CDK19: variants seen among roughly 807,000 people sequenced by gnomAD.
CDK19 encodes the protein cyclin dependent kinase 19.
CDK19 carries 20 observed loss-of-function variants against 68.3 expected under a neutral mutation model. The ratio of observed to expected loss-of-function variants is 0.29; its 90% CI spans 0.21 to 0.43. The LOEUF is 0.43. Among genes scored for constraint, CDK19 ranks in the 20% least tolerant of loss-of-function variants. The pLI, the probability that CDK19 is intolerant of heterozygous loss-of-function variation, is 1.00. For missense variants in CDK19, 339 were observed against 623.5 expected, an observed-to-expected ratio of 0.54 and a Z score of 4.86; for synonymous variants, 221 against 222.8, an observed-to-expected ratio of 0.99 and a Z score of 0.07.
intron 1 of CDK19, among the ~76,000 whole-genome samples, chr6:110,768,205 C>T (rs1418704446): frequency 6.6e-6 from 1 of 152,230 alleles, no homozygotes; most frequent in Admixed American, 6.5e-5. Flanking sequence ...TGTACACCCA[C>T]TAGCATGGCT....
chr6:110,748,160 T>C (rs1778208458), intron 1 of CDK19, among the ~76,000 whole-genome samples: 1 of 152,218 alleles, frequency 6.6e-6, no homozygotes, highest in South Asian at 2.1e-4. Context: ...GCTCATGTAA[T>C]TGCATAGTTT....
chr6:110,625,289 A>G (rs1389802424), intron 8 of CDK19, among the ~76,000 whole-genome samples: 2 of 152,094 alleles, frequency 1.3e-5, no homozygotes, highest in Non-Finnish European at 2.9e-5. Context: ...AAGTTTGAGA[A>G]GTACTCATCC....
At position 110,713,116 on chromosome 6, in the gene CDK19, G is replaced by A. The variant is rs190464632; in HGVS notation, c.204+33010C>T. ...GGAGGCTGACACAGGAGACTCGCTT[G>A]AACCAGGGAGTTGGAGGTTGCGGTG... On this transcript the variant is annotated intron_variant, in intron 2 of 12. Coordinates refer to ENST00000368911, the MANE Select transcript of CDK19 (RefSeq NM_015076.5). Among the ~76,000 whole-genome samples, 5 of 150,498 alleles carry A rather than the reference G, an allele frequency of 3.3e-5. No homozygotes were observed. In the East Asian group the frequency reaches 9.9e-4, roughly 30 times the overall value.
chr6:110,614,478 G>A lies in CDK19; in HGVS notation c.*57C>T. 6.4e-7 allele frequency: 1 copy of A among 1,565,450 alleles called. No individual in the cohort carries two copies. Among genetic ancestry groups the A allele is most frequent in the Non-Finnish European group, 8.7e-7 (1 of 1,150,194 alleles). Reference sequence around the variant, plus strand: ...CATTTTTTTGGTTCTTTTCAATGCAGACATATTGCTGGAGCCTGTGCTCTG... The same window carrying A: ...CATTTTTTTGGTTCTTTTCAATGCAAACATATTGCTGGAGCCTGTGCTCTG... On this transcript the variant is annotated 3_prime_UTR_variant, in exon 13 of 13. Coordinates refer to ENST00000368911, the MANE Select transcript of CDK19 (RefSeq NM_015076.5).
At chr6:110,782,603 A>C (rs959982850) in intron 1 of CDK19, among the ~76,000 whole-genome samples, 2 of 152,238 alleles carry the variant, frequency 1.3e-5, no homozygotes, top group Non-Finnish European at 2.9e-5. Flanking sequence ...GAATGGGATT[A>C]CAGGGACTTT....
chr6:110,638,703 G>T lies in CDK19; in HGVS notation c.460C>A (p.Pro154Thr). 1.3e-6 allele frequency: 2 copies of T among 1,535,242 alleles called. No individual in the cohort carries two copies. The highest frequency in any genetic ancestry group is 1.8e-6 in the Non-Finnish European group (2 of 1,110,784). ...ANWVLHRDLK[P>T]ANILVMGEGP... is the part of the protein sequence containing the mutation. ...TCTCCCATTACTAGGATATTTGCTG[G>T]TTTCTAGAAATAAAAATAGAGCATT... Residue 154 changes from proline (P) to threonine (T), a missense_variant, in exon 5 of 13, where the codon CCA becomes ACA. Transcript: ENST00000368911.
chr6:110,796,805 C>T (rs571791314), intron 1 of CDK19, among the ~76,000 whole-genome samples: 6 of 149,564 alleles, frequency 4.0e-5, no homozygotes, highest in African/African-American at 1.5e-4. Flanking sequence ...GTCAGAAGTT[C>T]GAGACCAGCC....
At chr6:110,735,096 T>G (rs904273000) in intron 2 of CDK19, among the ~76,000 whole-genome samples, 60 of 150,352 alleles carry the variant, frequency 4.0e-4, no homozygotes, top group Admixed American at 9.2e-4. Flanking sequence ...TCCACAAAAT[T>G]TAATTTTTAA....
chr6:110,698,830 G>A (rs532417277), intron 2 of CDK19, among the ~76,000 whole-genome samples: 10 of 152,134 alleles, frequency 6.6e-5, no homozygotes, highest in East Asian at 5.8e-4. Flanking sequence ...TGAAATCCCC[G>A]CACTTTGGGA....
intron 1 of CDK19, among the ~76,000 whole-genome samples, chr6:110,789,687 G>A (rs1781463686): frequency 6.6e-6 from 1 of 152,148 alleles, no homozygotes; most frequent in African/African-American, 2.4e-5. Context: ...TGGGATTGCA[G>A]GAATGAGTCA....
In CDK19 at chr6:110,632,050, C is replaced by T. The variant is rs1373241481; in HGVS notation, c.626G>A (p.Arg209Lys). The T allele has an allele frequency of 1.2e-6, 2 of 1,611,652 alleles. No homozygotes were observed. Residue 209 changes from arginine to lysine, a missense_variant, in exon 6 of 13, where the codon AGG becomes AAG. Physicochemically the swap from Arg to Lys is conservative, Grantham distance 26. Around this residue, in one of 4 missense-constraint regions of CDK19, gnomAD observed 63 missense variants for 156.5 expected, o/e 0.40. Transcript: ENST00000368911. ...YRAPELLLGARHYTKAIDIWA... is the reference protein window; with the variant it reads ...YRAPELLLGAKHYTKAIDIWA... ...CTTACCAATGGCCTTTGTATAATGC[C>T]TTGCACCAAGCAAAAGTTCTGGAGC...
chr6:110,779,279 C>A (rs74873830), intron 1 of CDK19, among the ~76,000 whole-genome samples: 1 of 152,214 alleles, frequency 6.6e-6, no homozygotes, highest in South Asian at 2.1e-4. Context: ...GGAATAAATG[C>A]CTTTCCCCAG....
chr6:110,695,735 G>GA (rs1773421025), intron 2 of CDK19, among the ~76,000 whole-genome samples: 1 of 152,006 alleles, frequency 6.6e-6, no homozygotes, highest in African/African-American at 2.4e-5. Flanking sequence ...GCACAAAGTA[G>GA]AAAACCTAGA....
intron 2 of CDK19, among the ~76,000 whole-genome samples, chr6:110,681,752 AC>A (rs1396412373): frequency 2.0e-5 from 3 of 152,254 alleles, no homozygotes; most frequent in Non-Finnish European, 4.4e-5. Flanking sequence ...AATTAAGTAG[AC>A]CATTATTTTC....
At chr6:110,664,997 A>G (rs191745080) in intron 4 of CDK19, among the ~76,000 whole-genome samples, 72 of 152,358 alleles carry the variant, frequency 4.7e-4, no homozygotes, top group Non-Finnish European at 2.5e-4. Context: ...GTAGTAAAGT[A>G]TACATGAAAG....
intron 4 of CDK19, chr6:110,646,630 A>C: frequency 1.7e-6 from 1 of 591,712 alleles, no homozygotes; most frequent in East Asian, 3.2e-5. Flanking sequence ...GGAAAAGACA[A>C]AGTTAGTTTT....
chr6:110,707,321 G>C (rs967902419), intron 2 of CDK19, among the ~76,000 whole-genome samples: 2 of 151,968 alleles, frequency 1.3e-5, no homozygotes, highest in Non-Finnish European at 2.9e-5. Flanking sequence ...GAGTGACAGA[G>C]GGAGCCTCTG....
intron 2 of CDK19, among the ~76,000 whole-genome samples, chr6:110,721,740 C>A (rs2114745534): frequency 6.6e-6 from 1 of 152,038 alleles, no homozygotes; most frequent in African/African-American, 2.4e-5. Context: ...CCGAGGCAGG[C>A]AGATCACAAA....
intron 1 of CDK19, among the ~76,000 whole-genome samples, chr6:110,756,982 A>C (rs765076766): frequency 1.3e-5 from 2 of 152,198 alleles, no homozygotes; most frequent in Non-Finnish European, 2.9e-5. Flanking sequence ...CACAGAAGTA[A>C]CTGTGATCAC....
Sources: gnomAD v4.1 joint callset for allele counts (sites outside exome capture counted in the v4.1 genomes callset) on GRCh38, gnomAD v4.1.1 for gene constraint, gnomAD v4.1.1 regional missense constraint, MANE v1.5 for transcripts, NCBI Gene and HGNC (gene_info 2026-07-23, HGNC 2026-07-21) for gene names.